BUB1B: variants seen among roughly 807,000 people sequenced by gnomAD.
BUB1B encodes the protein mitotic checkpoint serine/threonine-protein kinase BUB1 beta.
A neutral mutation model predicts 137.7 loss-of-function variants in BUB1B; 86 were observed. The ratio of observed to expected loss-of-function variants is 0.62; its 90% CI spans 0.52 to 0.75. The LOEUF (loss-of-function observed/expected upper bound fraction) is 0.75. Ranked by LOEUF, BUB1B falls within the 30% of genes least tolerant of loss-of-function variation. The pLI is 0.00. For synonymous variants in BUB1B, 420 were observed against 417.9 expected (o/e 1.00, Z -0.06); for missense variants, 1,130 against 1,236.9 (o/e 0.91, Z 1.30).
intron 12 of BUB1B, among the ~76,000 whole-genome samples, chr15:40,201,970 A>G (rs752254453): frequency 6.6e-6 from 1 of 152,170 alleles, no homozygotes; most frequent in Non-Finnish European, 1.5e-5. Flanking sequence ...CACCCGGCCA[A>G]AACATTTTTT....
intron 8 of BUB1B, among the ~76,000 whole-genome samples, chr15:40,191,019 C>T (rs2037430462): frequency 6.6e-6 from 1 of 151,920 alleles, no homozygotes; most frequent in Non-Finnish European, 1.5e-5. Flanking sequence ...TCCCAAGTAG[C>T]TGAGATTACA....
At position 40,174,981 on chromosome 15, in the gene BUB1B, A is replaced by T. The variant is rs183182160; in HGVS notation, c.385-1496A>T. On this transcript the variant is annotated intron_variant, in intron 4 of 22. Coordinates refer to ENST00000287598, the MANE Select transcript of BUB1B (RefSeq NM_001211.6). ...TCTGTCTCAAAAAAAAGGAAAAAAA[A>T]TGCTATTTTTATGTGAATTTAGGGA... 4.5e-3 allele frequency among the ~76,000 whole-genome samples: 679 copies of T among 152,186 alleles called. 8 individuals carry two copies. Among genetic ancestry groups the T allele is most frequent in the African/African-American group, 0.016 (654 of 41,534 alleles).
intron 4 of BUB1B, among the ~76,000 whole-genome samples, chr15:40,172,727 G>C (rs1297984543): frequency 6.6e-6 from 1 of 152,152 alleles, no homozygotes; most frequent in East Asian, 1.9e-4. Flanking sequence ...TACAAGTATA[G>C]AAAATTAGGT....
rs1236849600 is a variant in BUB1B, at chr15:40,217,358, A to T, written c.2679-138A>T. 5.8e-6 allele frequency: 5 copies of T among 864,992 alleles called. No homozygotes were observed. The Admixed American group carries it at 1.1e-4, about 18-fold the overall frequency. 53.6% of individuals were successfully genotyped at this position (864,992 alleles called of 1,614,324 possible). A position where few individuals can be genotyped will look rare whatever the true frequency, so the allele number is the denominator to read the frequency against. On this transcript the variant is annotated intron_variant, in intron 20 of 22. Transcript: ENST00000287598. ...TGCCACTGCTCTGTCTTACAGGTGCATTTTCAAAATTAACCACTGGAGGGA... is the reference window on the plus strand; with the variant it reads ...TGCCACTGCTCTGTCTTACAGGTGCTTTTTCAAAATTAACCACTGGAGGGA...
At chr15:40,200,876 A>AC in intron 11 of BUB1B, 55 bp from the exon 12 acceptor site, 2 of 1,484,626 alleles carry the variant, frequency 1.3e-6, no homozygotes, top group Non-Finnish European at 9.4e-7. Flanking sequence ...TTTAAAAATT[A>AC]AACAGTTCTT....
chr15:40,185,240 A>G lies in BUB1B; in HGVS notation c.827A>G (p.Asp276Gly), dbSNP rs768901850. 9.3e-6 allele frequency: 15 copies of G among 1,614,150 alleles called. No individual in the cohort carries two copies. Among genetic ancestry groups the G allele is most frequent in the Non-Finnish European group, 1.3e-5 (15 of 1,179,996 alleles). Residue 276 changes from aspartate (D) to glycine (G), a missense_variant, in exon 7 of 23, where the codon GAT becomes GGT. Transcript: ENST00000287598. ...MQNNSRITVFDENADEASTAE... is the reference protein window; with the variant it reads ...MQNNSRITVFGENADEASTAE... ...AATAATAGTAGAATTACTGTTTTTG[A>G]TGAAAATGCTGATGAGGCTTCTACA... is the stretch of plus-strand genomic sequence containing the variant.
chr15:40,216,524 C>T (rs543247569), intron 20 of BUB1B, among the ~76,000 whole-genome samples: 1 of 143,054 alleles, frequency 7.0e-6, no homozygotes, highest in Non-Finnish European at 1.5e-5. Context: ...TCAGAATCCA[C>T]GATCCCTATA....
intron 20 of BUB1B, among the ~76,000 whole-genome samples, chr15:40,214,884 G>A (rs527584399): frequency 1.3e-4 from 16 of 120,532 alleles, no homozygotes; most frequent in African/African-American, 5.3e-4. Flanking sequence ...AAGCCGTTGT[G>A]ACCACCAAAA....
rs779639976 is a variant in BUB1B, at chr15:40,176,659, A to G, written c.567A>G (p.Leu189=). ...AGAAGGCTGAACCACTAGAAAGACT[A>G]CAGTCCCAGCACCGGTAAACTTTCT... ...IQQKAEPLER[L]QSQHRQFQAR... The change falls in exon 5 of 23, where the codon CTA becomes CTG. Residue 189 remains leucine (L), a synonymous_variant. Coordinates refer to ENST00000287598, the MANE Select transcript of BUB1B (RefSeq NM_001211.6). The G allele has an allele frequency of 3.1e-6, 5 of 1,614,054 alleles. No homozygotes were observed. Among genetic ancestry groups the G allele is most frequent in the Admixed American group, 1.7e-5 (1 of 60,004 alleles).
chr15:40,202,479 T>C lies in BUB1B; in HGVS notation c.1628+14T>C, dbSNP rs776089905. On this transcript the variant is annotated intron_variant, in intron 13 of 22. Transcript: ENST00000287598. ...GAAGAATAAAAGGTACGTTGTTTTTTTGTTTTTTTGGTTTTTTTTTACTTA... is the reference window on the plus strand; with the variant it reads ...GAAGAATAAAAGGTACGTTGTTTTTCTGTTTTTTTGGTTTTTTTTTACTTA... 6.2e-7 allele frequency: 1 copy of C among 1,609,776 alleles called. No individual in the cohort carries two copies. The highest frequency in any genetic ancestry group is 1.3e-5 in the African/African-American group (1 of 74,728).
intron 5 of BUB1B, 66 bp from the exon 6 acceptor site, chr15:40,183,648 T>C: frequency 2.0e-6 from 3 of 1,500,834 alleles, no homozygotes; most frequent in East Asian, 2.3e-5. Context: ...CTTTAACAAA[T>C]TGGAAATTTT....
intron 1 of BUB1B, among the ~76,000 whole-genome samples, chr15:40,163,678 G>C (rs945804285): frequency 6.6e-6 from 1 of 152,130 alleles, no homozygotes; most frequent in African/African-American, 2.4e-5. Context: ...TAAGTGTACG[G>C]ATAGCTCACA....
At chr15:40,187,638 G>A (rs8037190) in intron 8 of BUB1B, among the ~76,000 whole-genome samples, 108,913 of 152,032 alleles carry the variant, frequency 0.72, 39,909 homozygotes, top group African/African-American at 0.84. Context: ...GCTTGGCATC[G>A]TGGCTCATGC....
intron 8 of BUB1B, among the ~76,000 whole-genome samples, chr15:40,195,038 A>G (rs1041428592): frequency 6.6e-6 from 1 of 152,144 alleles, no homozygotes; most frequent in Admixed American, 6.5e-5. Context: ...TTGGTTACAC[A>G]AATAAGTTAC....
chr15:40,174,108 CTGAA>C, intron 4 of BUB1B: 1 of 313,458 alleles, frequency 3.2e-6, no homozygotes, highest in Non-Finnish European at 6.1e-6. Context: ...ATTCAGCACT[CTGAA>C]TAACCTGATC....
In BUB1B at chr15:40,202,621, A is replaced by G; in HGVS notation, c.1661A>G (p.Gln554Arg). Residue 554 changes from glutamine (Q) to arginine (R), a missense_variant, in exon 14 of 23, where the codon CAA (glutamine) becomes CGA (arginine). Coordinates refer to ENST00000287598, the MANE Select transcript of BUB1B (RefSeq NM_001211.6). The stretch of plus-strand genomic sequence containing the variant: ...GCAGATCCCCCACGAGTTTTAGCTC[A>G]ACGAAGACCCCTTGCAGTTCTCAAA... Reference protein sequence around the residue: ...PPADPPRVLAQRRPLAVLKTS... With the variant: ...PPADPPRVLARRRPLAVLKTS... The G allele has an allele frequency of 1.2e-6, 2 of 1,614,160 alleles. No individual in the cohort carries two copies. Among genetic ancestry groups the G allele is most frequent in the Non-Finnish European group, 1.7e-6 (2 of 1,180,026 alleles).
intron 18 of BUB1B, 130 bp from the exon 19 acceptor site, chr15:40,212,366 ATAG>A: frequency 1.4e-6 from 1 of 696,818 alleles, no homozygotes; most frequent in Non-Finnish European, 2.5e-6. Context: ...TGTGTCTTTT[ATAG>A]TAGATTTATG....
chr15:40,220,427 T>C (rs2037882872), intron 22 of BUB1B, 137 bp from the exon 23 acceptor site: 2 of 867,030 alleles, frequency 2.3e-6, no homozygotes, highest in East Asian at 5.2e-5. Flanking sequence ...AAGGACTATT[T>C]GAATGATCTC....
chr15:40,199,934 T>C (rs1015086582), intron 10 of BUB1B: 1 of 599,712 alleles, frequency 1.7e-6, no homozygotes. Context: ...GTGGTGCAGT[T>C]TATTGACTTC....
Sources: allele counts gnomAD v4.1 joint callset (sites outside exome capture counted in the v4.1 genomes callset), GRCh38; gene constraint gnomAD v4.1.1; transcripts MANE v1.5; gene names NCBI Gene and HGNC (gene_info 2026-07-23, HGNC 2026-07-21).